CHSY3: variants seen among roughly 807,000 people sequenced by gnomAD.
CHSY3 encodes chondroitin sulfate synthase 3.
CHSY3 carries 35 observed loss-of-function variants against 67.2 expected under a neutral mutation model. That is an observed-to-expected ratio of 0.52 (90% CI 0.40 to 0.69). CHSY3 has a LOEUF of 0.69. Ranked by LOEUF, CHSY3 falls within the 30% of genes least tolerant of loss-of-function variation. The pLI is 0.00. For synonymous variants in CHSY3, 474 were observed against 434.7 expected, an observed-to-expected ratio of 1.09 and a Z score of -1.12; for missense variants, 1,069 against 1,138.5, an observed-to-expected ratio of 0.94 and a Z score of 0.88.
At chr5:130,178,356 C>T (rs765688322) in intron 2 of CHSY3, among the ~76,000 whole-genome samples, 7 of 148,656 alleles carry the variant, frequency 4.7e-5, no homozygotes, top group Non-Finnish European at 7.4e-5. Flanking sequence ...CTCGGGTTCA[C>T]GCCATTCTTC....
At chr5:130,026,747 C>G (rs972606481) in intron 2 of CHSY3, among the ~76,000 whole-genome samples, 1 of 152,084 alleles carries the variant, frequency 6.6e-6, no homozygotes, top group African/African-American at 2.4e-5. Flanking sequence ...CTTCTGCAAG[C>G]TTGGCATATT....
intron 2 of CHSY3, among the ~76,000 whole-genome samples, chr5:129,951,069 A>G (rs894416877): frequency 6.6e-6 from 1 of 152,168 alleles, no homozygotes; most frequent in Non-Finnish European, 1.5e-5. Flanking sequence ...GCAGAATAGA[A>G]AGCCAAGAAA....
chr5:130,022,676 A>C (rs577126854), intron 2 of CHSY3, among the ~76,000 whole-genome samples: 1 of 152,002 alleles, frequency 6.6e-6, no homozygotes, highest in Non-Finnish European at 1.5e-5. Context: ...CAGATCATTT[A>C]ATGATTTTAC....
intron 1 of CHSY3, 192 bp downstream of exon 1, chr5:129,905,823 A>G (rs1760269519): frequency 1.5e-5 from 19 of 1,241,140 alleles, no homozygotes; most frequent in Non-Finnish European, 1.9e-5. Context: ...GTCTTCTGCA[A>G]TCTGGACCCT....
chr5:130,089,138 T>C (rs1357781734), intron 2 of CHSY3, among the ~76,000 whole-genome samples: 1 of 145,272 alleles, frequency 6.9e-6, no homozygotes, highest in East Asian at 2.1e-4. Flanking sequence ...AACCAAACAC[T>C]GCATGTTCTC....
At chr5:129,990,856 G>GT (rs745619821) in intron 2 of CHSY3, among the ~76,000 whole-genome samples, 58 of 152,178 alleles carry the variant, frequency 3.8e-4, no homozygotes, top group Non-Finnish European at 3.4e-4. Flanking sequence ...CAGTAAGGTG[G>GT]TAACATGATG....
At chr5:129,932,181 G>T (rs1285998381) in intron 2 of CHSY3, among the ~76,000 whole-genome samples, 1 of 137,148 alleles carries the variant, frequency 7.3e-6, no homozygotes, top group Non-Finnish European at 1.6e-5. Context: ...GTCTCTGATA[G>T]TTTTTTTTTT....
intron 2 of CHSY3, among the ~76,000 whole-genome samples, chr5:129,994,427 C>T (rs1434623379): frequency 2.0e-5 from 3 of 152,056 alleles, no homozygotes; most frequent in Non-Finnish European, 2.9e-5. Flanking sequence ...ATTCTTTTTT[C>T]TCTAAACTTC....
chr5:130,066,952 G>A (rs577980489), intron 2 of CHSY3, among the ~76,000 whole-genome samples: 28 of 152,236 alleles, frequency 1.8e-4, no homozygotes, highest in Admixed American at 7.9e-4. Context: ...TCAGTGATCT[G>A]CTAATGTAAG....
chr5:130,066,082 T>G (rs1207676891), intron 2 of CHSY3, among the ~76,000 whole-genome samples: 1 of 152,124 alleles, frequency 6.6e-6, no homozygotes, highest in Non-Finnish European at 1.5e-5. Context: ...ATCTTTGCCC[T>G]CATTTCTCCA....
chr5:130,175,975 G>A (rs1770036391), intron 2 of CHSY3, among the ~76,000 whole-genome samples: 1 of 152,004 alleles, frequency 6.6e-6, no homozygotes, highest in African/African-American at 2.4e-5. Flanking sequence ...CAAAAGCAAT[G>A]GCAACAAAAG....
At chr5:130,120,089 T>A (rs1220309537) in intron 2 of CHSY3, among the ~76,000 whole-genome samples, 1 of 152,114 alleles carries the variant, frequency 6.6e-6, no homozygotes, top group African/African-American at 2.4e-5. Flanking sequence ...CATATAACCT[T>A]AAAGAACACA....
chr5:130,013,423 G>T (rs1424608385), intron 2 of CHSY3, among the ~76,000 whole-genome samples: 1 of 152,182 alleles, frequency 6.6e-6, no homozygotes, highest in Non-Finnish European at 1.5e-5. Context: ...CTCCATGAGG[G>T]CTCTGCCCGT....
intron 2 of CHSY3, among the ~76,000 whole-genome samples, chr5:130,148,270 G>A (rs1209335200): frequency 6.6e-6 from 1 of 152,152 alleles, no homozygotes; most frequent in Non-Finnish European, 1.5e-5. Context: ...TGGTGTATAT[G>A]TACCACATTT....
chr5:130,078,871 G>A (rs1051572293), intron 2 of CHSY3, among the ~76,000 whole-genome samples: 1 of 152,152 alleles, frequency 6.6e-6, no homozygotes, highest in Admixed American at 6.6e-5. Flanking sequence ...CAGCAGTGGA[G>A]AATAAGGCCG....
At chr5:129,990,730 C>T (rs1275980957) in intron 2 of CHSY3, among the ~76,000 whole-genome samples, 3 of 152,050 alleles carry the variant, frequency 2.0e-5, no homozygotes, top group Non-Finnish European at 4.4e-5. Flanking sequence ...TTTATTCATT[C>T]ATTTGGCAAT....
At chr5:130,133,796 GAAAAAAAAAAAAAA>G (rs1768567925) in intron 2 of CHSY3, among the ~76,000 whole-genome samples, 3 of 97,924 alleles carry the variant, frequency 3.1e-5, no homozygotes, top group East Asian at 5.6e-4. Flanking sequence ...AAAAAAAAAA[GAAAAAAAAAAAAAA>G]GGCTGTCAAC....
intron 2 of CHSY3, chr5:130,141,175 T>C: frequency 2.3e-6 from 1 of 437,534 alleles, no homozygotes; most frequent in South Asian, 1.9e-5. Flanking sequence ...GAAGCAAATC[T>C]GAAAATGTTC....
chr5:129,929,931 A>T (rs980203310), intron 2 of CHSY3, among the ~76,000 whole-genome samples: 6 of 152,204 alleles, frequency 3.9e-5, no homozygotes, highest in Admixed American at 3.9e-4. Context: ...AGAAAGGTAC[A>T]ACTATTTCTC....
Sources: gnomAD v4.1 joint callset for allele counts (sites outside exome capture counted in the v4.1 genomes callset) on GRCh38, gnomAD v4.1.1 for gene constraint, MANE v1.5 for transcripts, NCBI Gene and HGNC (gene_info 2026-07-23, HGNC 2026-07-21) for gene names.